EDA: variants seen among roughly 807,000 people sequenced by gnomAD.
EDA encodes ectodysplasin-A.
A neutral mutation model predicts 23.6 loss-of-function variants in EDA; 2 were observed. The ratio of observed to expected loss-of-function variants is 0.08; its 90% CI spans 0.03 to 0.27. The LOEUF (loss-of-function observed/expected upper bound fraction) is 0.27. Ranked by LOEUF, EDA falls within the 10% of genes least tolerant of loss-of-function variation. EDA has a pLI of 1.00. For missense variants in EDA, 229 were observed against 324.2 expected (o/e 0.71, Z 2.26); for synonymous variants, 131 against 132.0 (o/e 0.99, Z 0.05).
chrX:69,897,976 A>C (rs2018043569), intron 1 of EDA, among the ~76,000 whole-genome samples: 1 of 112,583 alleles, frequency 8.9e-6, no homozygotes, highest in Non-Finnish European at 1.9e-5. Context: ...ATAGAAATAT[A>C]GATTAAATTT....
intron 1 of EDA, among the ~76,000 whole-genome samples, chrX:69,834,607 C>A (rs1180241640): frequency 1.9e-5 from 2 of 105,046 alleles, no homozygotes; most frequent in African/African-American, 7.0e-5. Context: ...CTATGTGTGT[C>A]TCTGCACATG....
intron 2 of EDA, among the ~76,000 whole-genome samples, chrX:70,019,114 A>G (rs1324765388): frequency 8.9e-6 from 1 of 112,285 alleles, no homozygotes; most frequent in Non-Finnish European, 1.9e-5. Flanking sequence ...ACTGATCATT[A>G]GAGAAATATA....
chrX:69,949,077 G>A (rs1292796143), intron 1 of EDA, among the ~76,000 whole-genome samples: 1 of 111,718 alleles, frequency 9.0e-6, no homozygotes, highest in Non-Finnish European at 1.9e-5. Flanking sequence ...CATGGATGAT[G>A]ATAGTGATGG....
intron 1 of EDA, among the ~76,000 whole-genome samples, chrX:69,731,181 G>A (rs1483387096): frequency 1.8e-5 from 2 of 111,339 alleles, no homozygotes; most frequent in African/African-American, 6.5e-5. Context: ...TTTAATGTCT[G>A]TAGGGTATGT....
Position 69,832,074 on chromosome X carries a change from T to C in EDA, c.397-124953T>C, listed in dbSNP as rs747145934. The stretch of plus-strand genomic sequence containing the variant: ...CCAGTTGTCAATTTTGGCTTTTGTT[T>C]TCATTACTTTTGGTGTTTCAGTCAT... On this transcript the variant is annotated intron_variant, in intron 1 of 7. Coordinates refer to ENST00000374552, the MANE Select transcript of EDA (RefSeq NM_001399.5). Among the ~76,000 whole-genome samples the C allele has an allele frequency of 1.4e-3, 157 of 111,817 alleles. 1 individual carries two copies. Among genetic ancestry groups the C allele is most frequent in the Admixed American group, 0.013 (140 of 10,498 alleles).
intron 1 of EDA, among the ~76,000 whole-genome samples, chrX:69,701,872 TG>T (rs1230521472): frequency 9.0e-6 from 1 of 111,322 alleles, no homozygotes; most frequent in African/African-American, 3.3e-5. Context: ...ATAATCCCAG[TG>T]GGGGTCCTGG....
At chrX:69,682,588 G>A in intron 1 of EDA, among the ~76,000 whole-genome samples, 1 of 111,893 alleles carries the variant, frequency 8.9e-6, no homozygotes, top group Non-Finnish European at 1.9e-5. Flanking sequence ...GATTTTCCAG[G>A]TGCCGTCTGT....
At chrX:69,753,999 C>A (rs1164225668) in intron 1 of EDA, among the ~76,000 whole-genome samples, 1 of 110,753 alleles carries the variant, frequency 9.0e-6, no homozygotes, top group Non-Finnish European at 1.9e-5. Context: ...GAATACAGCA[C>A]ATGGATGGGT....
chrX:69,993,934 G>A (rs977105477), intron 2 of EDA, among the ~76,000 whole-genome samples: 2 of 111,921 alleles, frequency 1.8e-5, no homozygotes, highest in African/African-American at 3.3e-5. Context: ...GTGGTTAAGG[G>A]AGGGCTAAAT....
Position 69,966,378 on chromosome X carries a change from G to A in EDA, c.502+9246G>A, listed in dbSNP as rs375006352. The stretch of plus-strand genomic sequence containing the variant: ...GTGGATCACCTGAGGTCAGGAGTTC[G>A]AGACCAGCCTGGCTAACATGGTGAA... On this transcript the variant is annotated intron_variant, in intron 2 of 7. Transcript: ENST00000374552. Among the ~76,000 whole-genome samples the A allele has an allele frequency of 2.4e-4, 27 of 110,544 alleles. No individual in the cohort carries two copies. The East Asian group carries it at 3.4e-3, about 14-fold the overall frequency.
At chrX:69,879,826 C>G (rs2017716340) in intron 1 of EDA, among the ~76,000 whole-genome samples, 1 of 111,452 alleles carries the variant, frequency 9.0e-6, no homozygotes, top group East Asian at 2.8e-4. Context: ...AACATGGGTG[C>G]AGGTTCCTCC....
At chrX:70,005,349 T>C (rs6625561) in intron 2 of EDA, among the ~76,000 whole-genome samples, 29,685 of 109,424 alleles carry the variant, frequency 0.27, 3,435 homozygotes, top group East Asian at 0.64. Context: ...GTCAGAATCT[T>C]GGTTTACTTC....
At chrX:69,764,234 C>CTTTTTTTTTTTTTTTTTTTT (rs1189179243) in intron 1 of EDA, among the ~76,000 whole-genome samples, 1 of 44,570 alleles carries the variant, frequency 2.2e-5, no homozygotes, top group Admixed American at 3.9e-4. Flanking sequence ...ATTTTTTATT[C>CTTTTTTTTTTTTTTTTTTTT]TTTTTTTTTT....
chrX:69,911,412 A>T (rs2018264691), intron 1 of EDA, among the ~76,000 whole-genome samples: 1 of 112,275 alleles, frequency 8.9e-6, no homozygotes, highest in African/African-American at 3.2e-5. Context: ...TACACACTCC[A>T]TGAGATGCTA....
intron 1 of EDA, among the ~76,000 whole-genome samples, chrX:69,877,269 C>G (rs746927801): frequency 8.9e-6 from 1 of 112,279 alleles, no homozygotes; most frequent in Non-Finnish European, 1.9e-5. Context: ...GATCATACCA[C>G]TGTATTCCAG....
chrX:69,847,331 A>G (rs1041807721), intron 1 of EDA, among the ~76,000 whole-genome samples: 1 of 111,514 alleles, frequency 9.0e-6, no homozygotes, highest in Non-Finnish European at 1.9e-5. Flanking sequence ...AGCATACAGT[A>G]AAATGTACTT....
chrX:69,844,791 G>A (rs1719349142), intron 1 of EDA, among the ~76,000 whole-genome samples: 2 of 112,203 alleles, frequency 1.8e-5, no homozygotes, highest in Admixed American at 1.9e-4. Flanking sequence ...TGAGTATGAC[G>A]AAACCTGCTG....
At chrX:69,959,449 T>C (rs1388464936) in intron 2 of EDA, among the ~76,000 whole-genome samples, 1 of 112,098 alleles carries the variant, frequency 8.9e-6, no homozygotes, top group Non-Finnish European at 1.9e-5. Flanking sequence ...GGTAAGTCAA[T>C]CCAAATCTCC....
In EDA at chrX:69,668,735, C is replaced by G. The variant is rs1199744222; in HGVS notation, c.396+52031C>G. Among the ~76,000 whole-genome samples the G allele has an allele frequency of 2.7e-5, 3 of 109,459 alleles. No homozygotes were observed. In the East Asian group the frequency reaches 8.7e-4, roughly 32 times the overall value. On this transcript the variant is annotated intron_variant, in intron 1 of 7. Coordinates refer to ENST00000374552, the MANE Select transcript of EDA (RefSeq NM_001399.5). ...GGGATTATAGGTGTCCACCACCACG[C>G]CCAGCTAATTTTTGTATTTTGAGTA...
Sources: gnomAD v4.1 joint callset for allele counts (sites outside exome capture counted in the v4.1 genomes callset) on GRCh38, gnomAD v4.1.1 for gene constraint, MANE v1.5 for transcripts, NCBI Gene and HGNC (gene_info 2026-07-23, HGNC 2026-07-21) for gene names.